STARD13: variants seen among roughly 807,000 people sequenced by gnomAD.
STARD13 encodes the protein StAR related lipid transfer domain containing 13, also known as stAR-related lipid transfer protein 13.
STARD13 carries 62 observed loss-of-function variants against 106.4 expected under a neutral mutation model. That is an observed-to-expected ratio of 0.58 (90% confidence interval 0.48 to 0.72). STARD13 has a LOEUF of 0.72. Ranked by LOEUF, STARD13 falls within the 30% of genes least tolerant of loss-of-function variation. The pLI is 0.00. For synonymous variants in STARD13, 565 were observed against 553.0 expected (o/e 1.02, Z -0.31); for missense variants, 1,387 against 1,424.0 (o/e 0.97, Z 0.42).
the STARD13 span, among the ~76,000 whole-genome samples, chr13:33,624,998 G>A: frequency 0.026 from 4,014 of 152,242 alleles, 156 homozygotes; most frequent in African/African-American, 0.091. Flanking sequence ...GGGGTACCTC[G>A]GAAGCAGTGG....
chr13:33,326,077 C>T (rs1341024577), intron 1 of STARD13, among the ~76,000 whole-genome samples: 1 of 151,712 alleles, frequency 6.6e-6, no homozygotes, highest in Non-Finnish European at 1.5e-5. Context: ...GATTTATCCC[C>T]ATCTCCCTCT....
chr13:33,385,993 A>G, the STARD13 span, among the ~76,000 whole-genome samples: 1 of 152,120 alleles, frequency 6.6e-6, no homozygotes, highest in Non-Finnish European at 1.5e-5. Flanking sequence ...GCTTGCGTTT[A>G]TTCATTTGCT....
chr13:33,542,769 C>T, the STARD13 span, among the ~76,000 whole-genome samples: 2 of 152,246 alleles, frequency 1.3e-5, no homozygotes, highest in African/African-American at 4.8e-5. Flanking sequence ...AGGAAGGGAT[C>T]CGGTGACGCC....
chr13:33,453,301 C>G, the STARD13 span, among the ~76,000 whole-genome samples: 1 of 152,318 alleles, frequency 6.6e-6, no homozygotes, highest in East Asian at 1.9e-4. Context: ...GCTTGTTCAG[C>G]TGAATATACG....
chr13:33,185,881 G>GGC, intron 1 of STARD13: 1 of 1,613,948 alleles, frequency 6.2e-7, no homozygotes, highest in Non-Finnish European at 8.5e-7. Flanking sequence ...CACTTACCCC[G>GGC]GCGCTGGAAT....
chr13:33,342,849 C>T (rs924136339), intron 1 of STARD13, among the ~76,000 whole-genome samples: 4 of 152,162 alleles, frequency 2.6e-5, no homozygotes, highest in East Asian at 1.9e-4. Context: ...TTAGTACGTG[C>T]GTATGTACTA....
At chr13:33,662,317 G>T in the STARD13 span, among the ~76,000 whole-genome samples, 1 of 151,930 alleles carries the variant, frequency 6.6e-6, no homozygotes, top group Admixed American at 6.6e-5. Flanking sequence ...ATCTGTCTGG[G>T]TTTCCCAATC....
chr13:33,498,888 A>T, the STARD13 span, among the ~76,000 whole-genome samples: 2 of 152,244 alleles, frequency 1.3e-5, no homozygotes, highest in Non-Finnish European at 2.9e-5. Flanking sequence ...AGTACACTGC[A>T]GCACTTTCGG....
chr13:33,657,978 A>G, the STARD13 span, among the ~76,000 whole-genome samples: 8 of 152,204 alleles, frequency 5.3e-5, no homozygotes, highest in Admixed American at 5.2e-4. Context: ...CATTAAATAC[A>G]TTTGCATTGT....
chr13:33,193,210 C>T (rs1886375948), intron 1 of STARD13, among the ~76,000 whole-genome samples: 1 of 152,148 alleles, frequency 6.6e-6, no homozygotes, highest in Non-Finnish European at 1.5e-5. Context: ...TACACATGTT[C>T]ACCACAGCAG....
chr13:33,262,480 C>T (rs537766865), intron 1 of STARD13, among the ~76,000 whole-genome samples: 21 of 152,280 alleles, frequency 1.4e-4, no homozygotes, highest in Admixed American at 1.0e-3. Flanking sequence ...TCTTTCCTGA[C>T]AATCTGCAGA....
chr13:33,538,210 G>A, the STARD13 span, among the ~76,000 whole-genome samples: 11 of 152,274 alleles, frequency 7.2e-5, no homozygotes, highest in East Asian at 3.9e-4. Context: ...GCAAGATCCC[G>A]AAGAAGGGTG....
the STARD13 span, among the ~76,000 whole-genome samples, chr13:33,481,823 C>CA: frequency 1.3e-5 from 2 of 148,512 alleles, no homozygotes; most frequent in African/African-American, 5.0e-5. Context: ...ACTAAAAATA[C>CA]AAAAAATTAG....
chr13:33,249,946 T>G (rs1342605065), intron 1 of STARD13, among the ~76,000 whole-genome samples: 1 of 152,068 alleles, frequency 6.6e-6, no homozygotes, highest in East Asian at 1.9e-4. Flanking sequence ...TTTGCCACCA[T>G]GCTTGCCTAA....
In STARD13 at chr13:33,237,831, T is replaced by A. The variant is rs757710995; in HGVS notation, c.169+47639A>T. Among the ~76,000 whole-genome samples the A allele has an allele frequency of 2.6e-4, 39 of 152,350 alleles. 1 individual carries two copies. The highest frequency in any genetic ancestry group is 1.0e-3 in the South Asian group (5 of 4,826). ...TGAGAAGAGTCTTTATGGCTTAGAA[T>A]CAAATGAAACATTTTACCTGGTGAC... On this transcript the variant is annotated intron_variant, in intron 1 of 13. Coordinates refer to ENST00000336934, the MANE Select transcript of STARD13 (RefSeq NM_178006.4).
At chr13:33,474,211 C>G in the STARD13 span, among the ~76,000 whole-genome samples, 1 of 152,096 alleles carries the variant, frequency 6.6e-6, no homozygotes, top group Non-Finnish European at 1.5e-5. Flanking sequence ...TAACCAGAGT[C>G]GAGCTAGTTA....
At chr13:33,534,343 T>C in the STARD13 span, among the ~76,000 whole-genome samples, 1 of 152,222 alleles carries the variant, frequency 6.6e-6, no homozygotes, top group Non-Finnish European at 1.5e-5. Flanking sequence ...AACTGGATGA[T>C]GCATTGCTCT....
intron 4 of STARD13, among the ~76,000 whole-genome samples, chr13:33,142,029 G>T (rs1444532444): frequency 6.6e-6 from 1 of 152,110 alleles, no homozygotes; most frequent in African/African-American, 2.4e-5. Context: ...TTAGGTTCAC[G>T]TTGCTTTTTT....
chr13:33,419,421 A>G, the STARD13 span, among the ~76,000 whole-genome samples: 1 of 152,208 alleles, frequency 6.6e-6, no homozygotes, highest in East Asian at 1.9e-4. Context: ...TAGATTAAAA[A>G]AAGAGTAGAA....
Sources: allele counts gnomAD v4.1 joint callset (sites outside exome capture counted in the v4.1 genomes callset), GRCh38; gene constraint gnomAD v4.1.1; transcripts MANE v1.5; gene names NCBI Gene and HGNC (gene_info 2026-07-23, HGNC 2026-07-21).